Variants in PDXDC1 observed in about 807,000 individuals in gnomAD.
PDXDC1 encodes the protein pyridoxal-dependent decarboxylase domain-containing protein 1.
A neutral mutation model predicts 100.1 loss-of-function variants in PDXDC1; 42 were observed. The observed-to-expected ratio is 0.42, with a 90% confidence interval of 0.33 to 0.54. The LOEUF (loss-of-function observed/expected upper bound fraction) is 0.54, where lower values mean the gene tolerates loss of function less well. Among genes scored for constraint, PDXDC1 ranks in the 20% least tolerant of loss-of-function variants. The probability of loss-of-function intolerance (pLI) is 0.10; values close to 1 mark genes in which losing one functional copy is unlikely to be tolerated. For synonymous variants in PDXDC1, 260 were observed against 371.7 expected, an observed-to-expected ratio of 0.70 and a Z score of 3.46; for missense variants, 636 against 979.2, an observed-to-expected ratio of 0.65 and a Z score of 4.68.
At chr16:15,128,224 T>C (rs764720772) in intron 16 of PDXDC1, 14 of 1,611,224 alleles carry the variant, frequency 8.7e-6, no homozygotes, top group Admixed American at 1.7e-5. Flanking sequence ...GCACAGACCT[T>C]TGTCGTGCCA....
chr16:15,097,692 T>G (rs1482553086), intron 16 of PDXDC1, among the ~76,000 whole-genome samples: 1 of 151,656 alleles, frequency 6.6e-6, no homozygotes, highest in Non-Finnish European at 1.5e-5. Flanking sequence ...ATCGCCCAAT[T>G]TAAGAAGCCG....
At chr16:14,980,261 A>G (rs1223042343) in intron 1 of PDXDC1, among the ~76,000 whole-genome samples, 1 of 152,256 alleles carries the variant, frequency 6.6e-6, no homozygotes, top group African/African-American at 2.4e-5. Flanking sequence ...GCTTGATTTC[A>G]TCTGTTGTCA....
intron 17 of PDXDC1, 74 bp from the exon 18 acceptor site, chr16:15,032,787 G>A: frequency 1.1e-6 from 1 of 870,704 alleles, no homozygotes; most frequent in Non-Finnish European, 2.0e-6. Context: ...CTAATATTTA[G>A]AGGTTTCTAA....
chr16:15,036,294 A>G lies in PDXDC1; in HGVS notation c.*19A>G. The stretch of plus-strand genomic sequence containing the variant: ...AAGATGAGACTCATTGTGTGGTTTG[A>G]GACTGTACTGAGTATTGTTTCAGGG... On this transcript the variant is annotated 3_prime_UTR_variant, in exon 23 of 23. Transcript: ENST00000396410. 1 of 1,603,812 alleles carries G rather than the reference A, an allele frequency of 6.2e-7. No homozygotes were observed. The highest frequency in any genetic ancestry group is 8.5e-7 in the Non-Finnish European group (1 of 1,172,148).
chr16:14,997,599 T>C, intron 1 of PDXDC1, 154 bp from the exon 2 acceptor site: 1 of 925,972 alleles, frequency 1.1e-6, no homozygotes, highest in East Asian at 2.9e-5. Flanking sequence ...ATTTTTACTT[T>C]TTCTGTTATA....
At position 15,131,582 on chromosome 16, in the gene PDXDC1, G is replaced by A. The variant is rs1247963358; in HGVS notation, c.1400-7297G>A. ...TCGTTGAGCACGCGGGAGCGCGTGAGGATGCGCATGAGGGCAGAGGTCAGG... is the reference window on the plus strand; with the variant it reads ...TCGTTGAGCACGCGGGAGCGCGTGAAGATGCGCATGAGGGCAGAGGTCAGG... On this transcript the variant is annotated intron_variant, in intron 16 of 16. Coordinates refer to the PDXDC1 transcript ENST00000535621. The A allele has an allele frequency of 8.7e-6, 14 of 1,606,054 alleles. No homozygotes were observed. The South Asian group carries it at 8.8e-5, about 10-fold the overall frequency.
intron 8 of PDXDC1, among the ~76,000 whole-genome samples, chr16:15,014,361 CTGAG>C (rs1438803941): frequency 1.3e-5 from 2 of 152,280 alleles, no homozygotes; most frequent in Non-Finnish European, 2.9e-5. Context: ...TTGCATGTGA[CTGAG>C]TGACTTGCCA....
intron 14 of PDXDC1, among the ~76,000 whole-genome samples, chr16:15,027,618 T>C (rs1160697674): frequency 6.6e-6 from 1 of 152,298 alleles, no homozygotes; most frequent in Non-Finnish European, 1.5e-5. Context: ...AGATTTCCCT[T>C]GGAGTTGGGC....
intron 16 of PDXDC1, among the ~76,000 whole-genome samples, chr16:15,095,197 G>A (rs184993370): frequency 1.5e-4 from 23 of 152,124 alleles, no homozygotes; most frequent in East Asian, 9.7e-4. Context: ...AGCCACTGGC[G>A]TTCCAAGCAT....
intron 17 of PDXDC1, 75 bp from the exon 18 acceptor site, chr16:15,032,786 A>G: frequency 1.2e-6 from 1 of 865,992 alleles, no homozygotes; most frequent in African/African-American, 1.7e-5. Flanking sequence ...GCTAATATTT[A>G]GAGGTTTCTA....
chr16:15,076,735 C>T (rs1419429746), intron 16 of PDXDC1: 12 of 942,392 alleles, frequency 1.3e-5, no homozygotes, highest in African/African-American at 6.5e-5. Flanking sequence ...ATCTGATATA[C>T]GCATGTTCAA....
the PDXDC1 span, among the ~76,000 whole-genome samples, chr16:15,147,110 G>C: frequency 2.2e-4 from 32 of 147,660 alleles, no homozygotes; most frequent in Non-Finnish European, 4.1e-4. Context: ...TGGCAGGGAG[G>C]GAGAGGTGGG....
At chr16:15,031,679 C>T in intron 16 of PDXDC1, 56 bp from the exon 17 acceptor site, 1 of 1,477,832 alleles carries the variant, frequency 6.8e-7, no homozygotes, top group Non-Finnish European at 9.4e-7. Flanking sequence ...GGGAGCCCTG[C>T]CCTCTTGTCA....
At position 15,037,927 on chromosome 16, in the gene PDXDC1, G is replaced by A. The variant is rs1253094787; in HGVS notation, c.*1652G>A. The A allele has an allele frequency of 2.9e-6, 2 of 685,890 alleles. No individual in the cohort carries two copies. The highest frequency in any genetic ancestry group is 5.0e-6 in the Non-Finnish European group (2 of 402,984). The allele number at this position is 685,890 out of a possible 1,614,324, so 42.5% of individuals were successfully genotyped here. A position where few individuals can be genotyped will look rare whatever the true frequency, so the allele number is the denominator to read the frequency against. ...ATTTGAAAGACACTGAGGAGGGAAGGAGGCCTAAGACCCAACAGATGTAGG... is the reference window on the plus strand; with the variant it reads ...ATTTGAAAGACACTGAGGAGGGAAGAAGGCCTAAGACCCAACAGATGTAGG... On this transcript the variant is annotated 3_prime_UTR_variant, in exon 23 of 23. Coordinates refer to ENST00000396410, the MANE Select transcript of PDXDC1 (RefSeq NM_015027.4).
At chr16:15,047,402 C>T (rs1408898841) in intron 16 of PDXDC1, 1 of 1,329,006 alleles carries the variant, frequency 7.5e-7, no homozygotes, top group South Asian at 1.2e-5. Context: ...GCGACGGTTC[C>T]AAGATCTCAA....
At position 15,104,370 on chromosome 16, in the gene PDXDC1, A is replaced by G. The variant is rs369254102; in HGVS notation, c.1400-34509A>G. 510 of 1,596,518 alleles carry G rather than the reference A, an allele frequency of 3.2e-4. 1 individual carries two copies. Among genetic ancestry groups the G allele is most frequent in the Middle Eastern group, 9.0e-4 (4 of 4,446 alleles). The stretch of plus-strand genomic sequence containing the variant: ...CGTTAGTTTCTTCAGATTATCATCC[A>G]CTGAGGGTGGAAGGGGAGTGAGCAG... On this transcript the variant is annotated intron_variant, in intron 16 of 16. Transcript: ENST00000535621.
At chr16:15,134,470 C>G in intron 16 of PDXDC1, 1 of 418,754 alleles carries the variant, frequency 2.4e-6, no homozygotes, top group Non-Finnish European at 4.3e-6. Context: ...TGCCGGTGAG[C>G]TCACCCCCTC....
At chr16:15,033,075 T>TCTCGGG (rs1450101006) in intron 18 of PDXDC1, 96 bp downstream of exon 18, 1 of 997,902 alleles carries the variant, frequency 1.0e-6, no homozygotes, top group African/African-American at 1.6e-5. Flanking sequence ...GGCTAGCGCC[T>TCTCGGG]CTCGGGCTGG....
chr16:15,125,405 C>G lies in PDXDC1; in HGVS notation c.1400-13474C>G, dbSNP rs540900355. ...ACCCCCGTCCAGTCACGCACGGACACCCTGGGCTTCCGAGCAAACCTGCTC... is the reference window on the plus strand; with the variant it reads ...ACCCCCGTCCAGTCACGCACGGACAGCCTGGGCTTCCGAGCAAACCTGCTC... On this transcript the variant is annotated intron_variant, in intron 16 of 16. Transcript: ENST00000535621. 6.6e-5 allele frequency: 52 copies of G among 783,618 alleles called. No homozygotes were observed. The African/African-American group carries it at 8.5e-4, about 13-fold the overall frequency. 48.5% of individuals were successfully genotyped at this position (783,618 alleles called of 1,614,324 possible).
Sources: allele counts gnomAD v4.1 joint callset (sites outside exome capture counted in the v4.1 genomes callset), GRCh38; gene constraint gnomAD v4.1.1; transcripts MANE v1.5; gene names NCBI Gene and HGNC (gene_info 2026-07-23, HGNC 2026-07-21).